PPP1R21: variants seen among roughly 807,000 people sequenced by gnomAD.
PPP1R21 encodes the protein KLRAQ motif containing 1.
Under a neutral mutation model 112.8 loss-of-function variants are expected in PPP1R21, and 85 were observed. The observed-to-expected ratio is 0.75, with a 90% CI of 0.63 to 0.90. The LOEUF is 0.90. Among genes scored for constraint, PPP1R21 ranks in the 40% least tolerant of loss-of-function variants. The probability of loss-of-function intolerance (pLI) is 0.00; values close to 1 mark genes in which losing one functional copy is unlikely to be tolerated. For synonymous variants in PPP1R21, 381 were observed against 322.3 expected (o/e 1.18, Z -1.95); for missense variants, 1,199 against 901.5 (o/e 1.33, Z -4.23).
chr2:48,444,432 C>A (rs1177571406), intron 1 of PPP1R21, among the ~76,000 whole-genome samples: 2 of 152,228 alleles, frequency 1.3e-5, no homozygotes, highest in Non-Finnish European at 2.9e-5. Flanking sequence ...CTTGCTGTTT[C>A]TTCCATGACC....
At chr2:48,492,597 T>C (rs75129762) in intron 15 of PPP1R21, among the ~76,000 whole-genome samples, 6,753 of 152,324 alleles carry the variant, frequency 0.044, 309 homozygotes, top group Admixed American at 0.14. Flanking sequence ...TGTAAATGTT[T>C]CCTTAGGCAC....
intron 18 of PPP1R21, among the ~76,000 whole-genome samples, chr2:48,506,458 C>T (rs1456712438): frequency 6.6e-6 from 1 of 152,150 alleles, no homozygotes; most frequent in Non-Finnish European, 1.5e-5. Flanking sequence ...CTCAGTATGG[C>T]AAACTGGTTA....
At chr2:48,486,254 T>G (rs1486595361) in intron 13 of PPP1R21, among the ~76,000 whole-genome samples, 2 of 152,138 alleles carry the variant, frequency 1.3e-5, no homozygotes, top group Non-Finnish European at 2.9e-5. Context: ...GTGGGTTGTT[T>G]ATATAAATAC....
At chr2:48,500,319 A>C (rs1182642124) in intron 17 of PPP1R21, among the ~76,000 whole-genome samples, 1 of 152,164 alleles carries the variant, frequency 6.6e-6, no homozygotes, top group African/African-American at 2.4e-5. Context: ...ATATATCTGC[A>C]CAGATCAATA....
chr2:48,480,002 A>G lies in PPP1R21; in HGVS notation c.1304A>G (p.His435Arg). The G allele has an allele frequency of 6.2e-7, 1 of 1,610,552 alleles. No homozygotes were observed. The highest frequency in any genetic ancestry group is 8.5e-7 in the Non-Finnish European group (1 of 1,176,694). ...GTTGGTGCTGCTCTGCATGGATTTC[A>G]TGACGTTATGAAAGGTAGGCCTTGA... The part of the protein sequence containing the change: ...TNVGAALHGF[H>R]DVMKDISKHY... The change falls in exon 13 of 22, where the codon CAT (histidine) becomes CGT (arginine). Residue 435 changes from histidine to arginine, a missense_variant. By Grantham distance (29) the His-to-Arg change is conservative. Transcript: ENST00000294952.
chr2:48,457,768 CA>C (rs1049465543), intron 3 of PPP1R21, among the ~76,000 whole-genome samples: 1 of 152,102 alleles, frequency 6.6e-6, no homozygotes, highest in African/African-American at 2.4e-5. Context: ...TCTCATTTCC[CA>C]AACCAAAAGA....
chr2:48,500,761 T>A (rs1287276052), intron 17 of PPP1R21, among the ~76,000 whole-genome samples: 3 of 151,898 alleles, frequency 2.0e-5, no homozygotes, highest in Admixed American at 1.3e-4. Flanking sequence ...CAGAAGAAAT[T>A]AGCCAGGCGT....
At chr2:48,510,335 G>A (rs1235098945) in intron 20 of PPP1R21, among the ~76,000 whole-genome samples, 3 of 152,070 alleles carry the variant, frequency 2.0e-5, no homozygotes, top group African/African-American at 4.8e-5. Flanking sequence ...TTTTATAGTC[G>A]GCTTTTGCTT....
rs1403341861 is a variant in PPP1R21 at position 48,454,723 on chromosome 2, A to G, written c.255A>G (p.Pro85=). The change falls in exon 3 of 22, where the codon CCA becomes CCG. Residue 85 remains proline, a synonymous_variant. Transcript: ENST00000294952. ...LLQDELALSE[P]RGKKNKKSGE... ...AAGATGAACTAGCTCTAAGTGAACC[A>G]CGAGGCAAGAAAAACAAGGTAGGTT... The G allele has an allele frequency of 1.9e-6, 3 of 1,614,052 alleles. No individual in the cohort carries two copies. In the East Asian group the frequency reaches 6.7e-5, roughly 36 times the overall value.
Position 48,440,943 on chromosome 2 carries a change from C to A in PPP1R21, c.-11C>A. The A allele has an allele frequency of 1.3e-6, 1 of 748,332 alleles. No homozygotes were observed. The highest frequency in any genetic ancestry group is 2.1e-6 in the Non-Finnish European group (1 of 480,548). 46.4% of individuals were successfully genotyped at this position (748,332 alleles called of 1,614,324 possible). A position where few individuals can be genotyped will look rare whatever the true frequency, so the allele number is the denominator to read the frequency against. ...CCTGGGCGGCCTGGCCTGTACGGGGCGGGGGAGGCCATGGCCTCGGCTGAG... is the reference window on the plus strand; with the variant it reads ...CCTGGGCGGCCTGGCCTGTACGGGGAGGGGGAGGCCATGGCCTCGGCTGAG... On this transcript the variant is annotated 5_prime_UTR_variant, in exon 1 of 22. Coordinates refer to ENST00000294952, the MANE Select transcript of PPP1R21 (RefSeq NM_001135629.3).
At chr2:48,479,829 C>A in intron 12 of PPP1R21, 95 bp from the exon 13 acceptor site, 1 of 810,122 alleles carries the variant, frequency 1.2e-6, no homozygotes, top group South Asian at 1.4e-5. Context: ...CACATTACAA[C>A]CAATCTTCAT....
intron 11 of PPP1R21, among the ~76,000 whole-genome samples, chr2:48,474,358 G>A (rs754412538): frequency 6.6e-6 from 1 of 152,154 alleles, no homozygotes; most frequent in Non-Finnish European, 1.5e-5. Flanking sequence ...ACTCGAATCT[G>A]GAGACAGTGA....
Position 48,491,067 on chromosome 2 carries a change from GC to G in PPP1R21, c.1497del (p.Tyr500MetfsTer29). ...NNLDYFIASLSYGPKAASGFI... is the reference protein window; with the variant it reads ...NNLDYFIASLXYGPKAASGFI... ...TTGGACTACTTCATTGCTTCACTGA[GC>G]TATGGACCTAAGGCAGCGAGTGGAT... On this transcript the variant is annotated frameshift_variant, in exon 15 of 22. Transcript: ENST00000294952. LOFTEE classifies it high-confidence loss of function. 6.2e-7 allele frequency: 1 copy of G among 1,614,064 alleles called. No individual in the cohort carries two copies. The highest frequency in any genetic ancestry group is 8.5e-7 in the Non-Finnish European group (1 of 1,179,940).
intron 3 of PPP1R21, among the ~76,000 whole-genome samples, chr2:48,455,809 T>C (rs1667695317): frequency 6.6e-6 from 1 of 151,870 alleles, no homozygotes; most frequent in South Asian, 2.1e-4. Flanking sequence ...GGTCAGGAGA[T>C]TGAGACCATC....
chr2:48,474,621 T>C, intron 11 of PPP1R21, 62 bp from the exon 12 acceptor site: 1 of 1,472,678 alleles, frequency 6.8e-7, no homozygotes. Flanking sequence ...CTTGGTTGGC[T>C]GCTAGTAGCT....
intron 9 of PPP1R21, among the ~76,000 whole-genome samples, chr2:48,470,761 G>C (rs1250131519): frequency 1.3e-5 from 2 of 152,088 alleles, no homozygotes; most frequent in Non-Finnish European, 2.9e-5. Context: ...TGACCTGTTG[G>C]TCCTAGGTTC....
intron 20 of PPP1R21, 65 bp from the exon 21 acceptor site, chr2:48,511,275 T>C: frequency 6.7e-7 from 1 of 1,500,286 alleles, no homozygotes; most frequent in Non-Finnish European, 8.9e-7. Context: ...TTTTGTGAAT[T>C]AAAAAAGCTT....
chr2:48,460,968 A>G (rs1667950149), intron 6 of PPP1R21, among the ~76,000 whole-genome samples, 170 bp from the exon 7 acceptor site: 1 of 152,224 alleles, frequency 6.6e-6, no homozygotes, highest in African/African-American at 2.4e-5. Context: ...TTGAGAAGCC[A>G]GGTTAGCGTT....
At chr2:48,446,317 A>G (rs1667245489) in intron 1 of PPP1R21, among the ~76,000 whole-genome samples, 1 of 152,190 alleles carries the variant, frequency 6.6e-6, no homozygotes, top group Admixed American at 6.5e-5. Flanking sequence ...TAGTGAGCTT[A>G]CCAGCACTCT....
Sources: gnomAD v4.1 joint callset for allele counts (sites outside exome capture counted in the v4.1 genomes callset) on GRCh38, gnomAD v4.1.1 for gene constraint, MANE v1.5 for transcripts, NCBI Gene and HGNC (gene_info 2026-07-23, HGNC 2026-07-21) for gene names.